The following DOK6 variants were observed in gnomAD, a reference collection of about 807,000 sequenced individuals.
The protein encoded by DOK6 is downstream of tyrosine kinase 6.
Under a neutral mutation model 44.0 loss-of-function variants are expected in DOK6, and 22 were observed. The ratio of observed to expected loss-of-function variants is 0.50; its 90% confidence interval spans 0.36 to 0.71. The LOEUF (loss-of-function observed/expected upper bound fraction) is 0.71, where lower values mean the gene tolerates loss of function less well. DOK6 is among the 30% of genes least tolerant of loss of function. The probability of loss-of-function intolerance (pLI) is 0.00; values close to 1 mark genes in which losing one functional copy is unlikely to be tolerated. For synonymous variants in DOK6, 166 were observed against 145.5 expected, an observed-to-expected ratio of 1.14 and a Z score of -1.01; for missense variants, 340 against 416.4, an observed-to-expected ratio of 0.82 and a Z score of 1.60.
chr18:69,803,863 A>T (rs72951590), intron 7 of DOK6, among the ~76,000 whole-genome samples: 4,694 of 152,202 alleles, frequency 0.031, 95 homozygotes, highest in Middle Eastern at 0.061. Flanking sequence ...GTCTCAAAAA[A>T]ATATATATAT....
intron 7 of DOK6, among the ~76,000 whole-genome samples, chr18:69,795,902 A>C (rs140963530): frequency 1.2e-4 from 19 of 152,336 alleles, no homozygotes; most frequent in South Asian, 1.0e-3. Context: ...CAAACTGTGG[A>C]AAGCAGCTTT....
chr18:69,485,419 A>T (rs183793358), intron 1 of DOK6, among the ~76,000 whole-genome samples: 19 of 152,284 alleles, frequency 1.2e-4, no homozygotes, highest in Admixed American at 1.2e-3. Flanking sequence ...CCTTTACCCC[A>T]GACCATCAAA....
chr18:69,571,129 A>C (rs1345473922), intron 2 of DOK6, among the ~76,000 whole-genome samples: 1 of 152,062 alleles, frequency 6.6e-6, no homozygotes. Flanking sequence ...ATACCATTGT[A>C]AGATTTTCAT....
Position 69,658,437 on chromosome 18 carries a change from C to T in DOK6, c.290-19297C>T, listed in dbSNP as rs550488302. On this transcript the variant is annotated intron_variant, in intron 3 of 7. Coordinates refer to ENST00000382713, the MANE Select transcript of DOK6 (RefSeq NM_152721.6). Reference sequence around the variant, plus strand: ...ATTTCTTAGACTAGTACCTGGCACACAGTAAATATTTTTAAAATAAGTATT... The same window carrying T: ...ATTTCTTAGACTAGTACCTGGCACATAGTAAATATTTTTAAAATAAGTATT... Among the ~76,000 whole-genome samples, 6 of 152,282 alleles carry T rather than the reference C, an allele frequency of 3.9e-5. No homozygotes were observed. In the South Asian group the frequency reaches 1.2e-3, roughly 32 times the overall value.
intron 1 of DOK6, among the ~76,000 whole-genome samples, chr18:69,544,034 G>A (rs1204320485): frequency 2.7e-5 from 4 of 150,756 alleles, no homozygotes; most frequent in Non-Finnish European, 5.9e-5. Flanking sequence ...TGAGGTGGGT[G>A]GATCAGGAGG....
chr18:69,418,608 C>A (rs775030975), intron 1 of DOK6, among the ~76,000 whole-genome samples: 3 of 151,820 alleles, frequency 2.0e-5, no homozygotes, highest in Non-Finnish European at 2.9e-5. Flanking sequence ...ACTACAGGCA[C>A]GTGCCACTTT....
chr18:69,456,332 G>T (rs1979632804), intron 1 of DOK6, among the ~76,000 whole-genome samples: 1 of 151,930 alleles, frequency 6.6e-6, no homozygotes, highest in South Asian at 2.1e-4. Context: ...TCTAGTGTCT[G>T]TTGTTTCCAT....
chr18:69,595,380 A>G (rs1023172279), intron 2 of DOK6, among the ~76,000 whole-genome samples: 1 of 152,142 alleles, frequency 6.6e-6, no homozygotes, highest in Non-Finnish European at 1.5e-5. Flanking sequence ...TTCTGCCATT[A>G]ATTGTTGGTC....
chr18:69,699,638 A>T (rs1986467267), intron 5 of DOK6, among the ~76,000 whole-genome samples: 1 of 152,212 alleles, frequency 6.6e-6, no homozygotes, highest in Non-Finnish European at 1.5e-5. Context: ...GTCTACCTAG[A>T]TATTGAGAGT....
rs575640879 is a variant in DOK6, at chr18:69,686,513, A to G, written c.409+8660A>G. 3.9e-5 allele frequency among the ~76,000 whole-genome samples: 6 copies of G among 152,294 alleles called. No homozygotes were observed. The South Asian group carries it at 8.3e-4, about 21-fold the overall frequency. Reference sequence around the variant, plus strand: ...GGATTAAGACCTTAATAGCAACAATATTATTCCCAAATCCCAGATGCTACT... The same window carrying G: ...GGATTAAGACCTTAATAGCAACAATGTTATTCCCAAATCCCAGATGCTACT... On this transcript the variant is annotated intron_variant, in intron 4 of 7. Coordinates refer to ENST00000382713, the MANE Select transcript of DOK6 (RefSeq NM_152721.6).
intron 5 of DOK6, among the ~76,000 whole-genome samples, chr18:69,710,391 C>T (rs1986729849): frequency 6.6e-6 from 1 of 152,168 alleles, no homozygotes; most frequent in Non-Finnish European, 1.5e-5. Context: ...GAAAGGAATA[C>T]AACTCAAGAA....
chr18:69,406,421 C>G (rs930871791), intron 1 of DOK6, among the ~76,000 whole-genome samples: 1 of 152,100 alleles, frequency 6.6e-6, no homozygotes, highest in Admixed American at 6.5e-5. Flanking sequence ...ACAGTAAAAA[C>G]CAAATACAGA....
chr18:69,434,950 GGGAGGGAA>G (rs1264121800), intron 1 of DOK6, among the ~76,000 whole-genome samples: 66 of 76,022 alleles, frequency 8.7e-4, no homozygotes, highest in South Asian at 2.8e-3. Flanking sequence ...GAGGGAGGGA[GGGAGGGAA>G]GGAAGGAAGG....
intron 7 of DOK6, among the ~76,000 whole-genome samples, chr18:69,792,094 C>T (rs1390554534): frequency 1.3e-5 from 2 of 152,082 alleles, no homozygotes; most frequent in African/African-American, 4.8e-5. Flanking sequence ...GTCCCCTATA[C>T]TCTCCCATTG....
chr18:69,727,813 T>C (rs1402704726), intron 5 of DOK6, among the ~76,000 whole-genome samples: 1 of 152,204 alleles, frequency 6.6e-6, no homozygotes, highest in Admixed American at 6.5e-5. Context: ...AGGAACCCCT[T>C]CTCACTGGGA....
chr18:69,514,668 T>C (rs934642963), intron 1 of DOK6, among the ~76,000 whole-genome samples: 1 of 152,104 alleles, frequency 6.6e-6, no homozygotes, highest in African/African-American at 2.4e-5. Context: ...GCAAGCATAT[T>C]AATTTATCCC....
intron 2 of DOK6, among the ~76,000 whole-genome samples, chr18:69,585,412 C>G (rs1983475795): frequency 6.6e-6 from 1 of 152,090 alleles, no homozygotes; most frequent in African/African-American, 2.4e-5. Context: ...TCAGTTTTCA[C>G]AAATATTCCA....
intron 1 of DOK6, among the ~76,000 whole-genome samples, chr18:69,554,875 A>G (rs1294319603): frequency 1.3e-5 from 2 of 152,154 alleles, no homozygotes. Flanking sequence ...GGTTTCCCTG[A>G]GTACGAATGT....
chr18:69,773,347 CA>C (rs976318793), intron 7 of DOK6, among the ~76,000 whole-genome samples: 2 of 151,406 alleles, frequency 1.3e-5, no homozygotes, highest in African/African-American at 4.8e-5. Context: ...GGGTATTTAT[CA>C]AAAAAAATAT....
Sources: gnomAD v4.1 joint callset for allele counts (sites outside exome capture counted in the v4.1 genomes callset) on GRCh38, gnomAD v4.1.1 for gene constraint, MANE v1.5 for transcripts, NCBI Gene and HGNC (gene_info 2026-07-23, HGNC 2026-07-21) for gene names.